The following SAP130 variants were observed in gnomAD, a reference collection of about 807,000 sequenced individuals.
SAP130 encodes the protein Sin3A associated protein 130, also known as histone deacetylase complex subunit SAP130.
In SAP130, 16 loss-of-function variants were observed where a neutral mutation model predicts 103.2. The ratio of observed to expected loss-of-function variants is 0.16; its 90% CI spans 0.10 to 0.24. The LOEUF is 0.24. Ranked by LOEUF, SAP130 falls within the 10% of genes least tolerant of loss-of-function variation. The pLI, the probability that SAP130 is intolerant of heterozygous loss-of-function variation, is 1.00. For synonymous variants in SAP130, 477 were observed against 497.0 expected, an observed-to-expected ratio of 0.96 and a Z score of 0.53; for missense variants, 990 against 1,359.7, an observed-to-expected ratio of 0.73 and a Z score of 4.28.
intron 7 of SAP130, among the ~76,000 whole-genome samples, chr2:128,009,640 G>C (rs1460321289): frequency 1.3e-5 from 2 of 152,056 alleles, no homozygotes; most frequent in South Asian, 2.1e-4. Flanking sequence ...TCAGATCATT[G>C]CATCGGTCTG....
At chr2:128,000,024 C>T in intron 9 of SAP130, 32 bp downstream of exon 9, 1 of 1,601,562 alleles carries the variant, frequency 6.2e-7, no homozygotes, top group South Asian at 1.1e-5. Context: ...CCTTTTTCCC[C>T]AGTAGAAGGA....
chr2:127,959,558 C>G (rs1035961204), intron 15 of SAP130, among the ~76,000 whole-genome samples: 1 of 152,222 alleles, frequency 6.6e-6, no homozygotes, highest in East Asian at 1.9e-4. Flanking sequence ...AATGCCCCCT[C>G]TTCCCTGCTG....
At chr2:127,958,015 G>A (rs1679965104) in intron 15 of SAP130, among the ~76,000 whole-genome samples, 1 of 152,222 alleles carries the variant, frequency 6.6e-6, no homozygotes, top group Admixed American at 6.5e-5. Context: ...AGACCACTGA[G>A]TATACAGCAC....
chr2:128,025,919 A>T (rs1381685517), intron 2 of SAP130, among the ~76,000 whole-genome samples: 1 of 152,234 alleles, frequency 6.6e-6, no homozygotes, highest in Non-Finnish European at 1.5e-5. Context: ...CATTAATTAA[A>T]CAAGAATATA....
intron 5 of SAP130, among the ~76,000 whole-genome samples, chr2:128,013,377 GT>G (rs1168640492): frequency 6.6e-6 from 1 of 152,162 alleles, no homozygotes. Flanking sequence ...ACTAGCTGCT[GT>G]TTTTTGTTTC....
chr2:128,016,264 C>T (rs764611237), intron 4 of SAP130, 125 bp downstream of exon 4: 4 of 935,932 alleles, frequency 4.3e-6, no homozygotes, highest in Non-Finnish European at 6.5e-6. Flanking sequence ...TCTTCACTTG[C>T]AGGTATCAGT....
At chr2:127,954,934 G>T in intron 16 of SAP130, 52 bp downstream of exon 16, 5 of 1,347,252 alleles carry the variant, frequency 3.7e-6, no homozygotes, top group South Asian at 2.7e-5. Flanking sequence ...AGGAGAATTA[G>T]GGAAGGGGAA....
intron 14 of SAP130, among the ~76,000 whole-genome samples, chr2:127,984,724 A>G (rs1398478503): frequency 6.6e-6 from 1 of 152,190 alleles, no homozygotes; most frequent in Non-Finnish European, 1.5e-5. Flanking sequence ...CTCCACACAC[A>G]CACGGTGAGT....
At position 128,010,316 on chromosome 2, in the gene SAP130, A is replaced by C; in HGVS notation, c.822T>G (p.Ser274=). ...GCGCCGCTGTCGTAGTGATGACTGGAGACTGAGCTCTGGTGGCTGAGACAG... is the reference window on the plus strand; with the variant it reads ...GCGCCGCTGTCGTAGTGATGACTGGCGACTGAGCTCTGGTGGCTGAGACAG... ...VATVSATRAQ[S]PVITTTAAHA... The change falls in exon 7 of 21, where the codon TCT becomes TCG. Residue 274 remains serine (S), a synonymous_variant. Transcript: ENST00000643581. 1 of 1,614,142 alleles carries C rather than the reference A, an allele frequency of 6.2e-7. No individual in the cohort carries two copies. Among genetic ancestry groups the C allele is most frequent in the Non-Finnish European group, 8.5e-7 (1 of 1,180,016 alleles).
rs1278198871 is a variant in SAP130 at position 128,027,935 on chromosome 2, A to G, written c.-7+5T>C. ...TTCCCTCCCGGGCGCCCGTCCCGCC[A>G]TTACCTGGGTGCTGCGCCCAGTGGC... On this transcript the variant is annotated splice_donor_5th_base_variant and intron_variant, in intron 1 of 20. Transcript: ENST00000643581. 6.9e-5 allele frequency: 68 copies of G among 981,126 alleles called. No individual in the cohort carries two copies. The highest frequency in any genetic ancestry group is 8.1e-5 in the Non-Finnish European group (67 of 828,856). 60.8% of individuals were successfully genotyped at this position (981,126 alleles called of 1,614,324 possible). A position where few individuals can be genotyped will look rare whatever the true frequency, so the allele number is the denominator to read the frequency against.
At chr2:127,985,743 T>C (rs1415260956) in intron 14 of SAP130, among the ~76,000 whole-genome samples, 1 of 151,616 alleles carries the variant, frequency 6.6e-6, no homozygotes, top group Non-Finnish European at 1.5e-5. Flanking sequence ...CCTGCCCAAA[T>C]GTTGCATTTC....
chr2:128,006,016 T>A (rs143945742), intron 7 of SAP130, among the ~76,000 whole-genome samples: 51 of 151,568 alleles, frequency 3.4e-4, no homozygotes, highest in African/African-American at 1.2e-3. Flanking sequence ...ATAAATGCTA[T>A]GAAATTTGCT....
At chr2:127,970,661 C>T (rs1189401643) in intron 15 of SAP130, among the ~76,000 whole-genome samples, 1 of 151,428 alleles carries the variant, frequency 6.6e-6, no homozygotes, top group African/African-American at 2.4e-5. Flanking sequence ...GCTCACTGTA[C>T]TCCAGCTTGG....
intron 15 of SAP130, among the ~76,000 whole-genome samples, chr2:127,969,538 G>A (rs1292965237): frequency 6.6e-6 from 1 of 152,168 alleles, no homozygotes; most frequent in Non-Finnish European, 1.5e-5. Context: ...GATTGCTAGA[G>A]CTACCACAAC....
At chr2:127,946,421 T>C (rs146431411) in intron 18 of SAP130, among the ~76,000 whole-genome samples, 140 of 152,336 alleles carry the variant, frequency 9.2e-4, no homozygotes, top group Non-Finnish European at 1.4e-3. Context: ...CTTCTTTTTC[T>C]GTTTTTGAAC....
At position 127,959,553 on chromosome 2, in the gene SAP130, C is replaced by A. The variant is rs10168353; in HGVS notation, c.2064-4209G>T. Reference sequence around the variant, plus strand: ...TCACCTGGCAGTAACAAGGCAATGCCCCCTCTTCCCTGCTGGTGTAGTTTG... The same window carrying A: ...TCACCTGGCAGTAACAAGGCAATGCACCCTCTTCCCTGCTGGTGTAGTTTG... On this transcript the variant is annotated intron_variant, in intron 15 of 20. Transcript: ENST00000643581. 5.3e-3 allele frequency among the ~76,000 whole-genome samples: 809 copies of A among 152,256 alleles called. 8 individuals are homozygous for A. The highest frequency in any genetic ancestry group is 0.019 in the African/African-American group (772 of 41,530).
intron 12 of SAP130, among the ~76,000 whole-genome samples, 177 bp from the exon 13 acceptor site, chr2:127,990,043 T>C (rs1261767764): frequency 6.6e-6 from 1 of 152,092 alleles, no homozygotes; most frequent in African/African-American, 2.4e-5. Context: ...GGGATTGTTA[T>C]TTCCTTTCAC....
Position 127,978,052 on chromosome 2 carries a change from G to A in SAP130, c.1996C>T (p.Pro666Ser). 6.4e-7 allele frequency: 1 copy of A among 1,551,822 alleles called. No individual in the cohort carries two copies. Among genetic ancestry groups the A allele is most frequent in the South Asian group, 1.2e-5 (1 of 84,058 alleles). ...VRKTLIPPQP[P>S]DVASPRVESS... The stretch of plus-strand genomic sequence containing the variant: ...TCCACTCGAGGACTAGCAACATCAG[G>A]AGGCTGAGGAGGAATGAGGGTTTTC... The change falls in exon 15 of 21, where the codon CCT becomes TCT. Residue 666 changes from proline (P) to serine (S), a missense_variant. Transcript: ENST00000643581.
intron 1 of SAP130, chr2:128,027,171 G>T (rs1442542298): frequency 7.1e-6 from 9 of 1,262,380 alleles, no homozygotes; most frequent in African/African-American, 1.6e-5. Context: ...CATCTCGGCG[G>T]CGGCGATGTG....
Sources: gnomAD v4.1 joint callset for allele counts (sites outside exome capture counted in the v4.1 genomes callset) on GRCh38, gnomAD v4.1.1 for gene constraint, MANE v1.5 for transcripts, NCBI Gene and HGNC (gene_info 2026-07-23, HGNC 2026-07-21) for gene names.